Variants in SHROOM4 observed in about 807,000 individuals in gnomAD.
SHROOM4 encodes protein Shroom4.
In SHROOM4, 17 loss-of-function variants were observed where a neutral mutation model predicts 80.3. The observed-to-expected ratio is 0.21, with a 90% CI of 0.14 to 0.32. The LOEUF (loss-of-function observed/expected upper bound fraction) is 0.32. Among genes scored for constraint, SHROOM4 ranks in the 10% least tolerant of loss-of-function variants. The pLI is 1.00. For missense variants in SHROOM4, 993 were observed against 1,140.3 expected (o/e 0.87, Z 1.86); for synonymous variants, 400 against 437.5 (o/e 0.91, Z 1.07).
intron 1 of SHROOM4, among the ~76,000 whole-genome samples, chrX:50,749,168 C>A (rs1196998894): frequency 8.9e-6 from 1 of 112,289 alleles, no homozygotes; most frequent in African/African-American, 3.2e-5. Flanking sequence ...GCCGTGATCA[C>A]ACCATTGCAC....
At chrX:50,721,395 C>T (rs1406470025) in intron 1 of SHROOM4, among the ~76,000 whole-genome samples, 3 of 112,548 alleles carry the variant, frequency 2.7e-5, no homozygotes, top group Admixed American at 9.3e-5. Context: ...TGCTCAACAA[C>T]GGGTGGATTA....
downstream of SHROOM4, among the ~76,000 whole-genome samples, chrX:50,583,094 TGAATATTA>T (rs1928694365): frequency 9.1e-6 from 1 of 109,306 alleles, no homozygotes; most frequent in Non-Finnish European, 1.9e-5. Context: ...TGTTTTAAAG[TGAATATTA>T]AAATATTAAT....
chrX:50,761,924 G>A (rs1935167642), intron 1 of SHROOM4, among the ~76,000 whole-genome samples: 1 of 111,356 alleles, frequency 9.0e-6, no homozygotes, highest in South Asian at 3.8e-4. Context: ...TAATGGAGTT[G>A]TTTAAACTCT....
intron 1 of SHROOM4, among the ~76,000 whole-genome samples, chrX:50,738,767 T>C (rs1177803886): frequency 9.0e-6 from 1 of 111,659 alleles, no homozygotes. Flanking sequence ...AGGTAATTTA[T>C]AGATTCAATG....
rs1294346291 is a variant in SHROOM4, at chrX:50,596,488, C to T, written c.*207G>A. ...GTTCTAAGATCACACCTTGCTGCAG[C>T]TCCCTTGGGTAGAAGCTTGTGGCTT... On this transcript the variant is annotated 3_prime_UTR_variant, in exon 9 of 9. Coordinates refer to ENST00000376020, the MANE Select transcript of SHROOM4 (RefSeq NM_020717.5). 5.6e-6 allele frequency: 3 copies of T among 538,052 alleles called. No individual in the cohort carries two copies. In the African/African-American group the frequency reaches 6.8e-5, roughly 12 times the overall value. 44.3% of individuals were successfully genotyped at this position (538,052 alleles called of 1,213,427 possible).
chrX:50,659,981 A>G (rs1211892006), intron 2 of SHROOM4, among the ~76,000 whole-genome samples: 2 of 112,405 alleles, frequency 1.8e-5, no homozygotes, highest in African/African-American at 3.2e-5. Flanking sequence ...TTTATAGTTT[A>G]TTTAGCCTTT....
intron 1 of SHROOM4, among the ~76,000 whole-genome samples, chrX:50,728,056 A>G (rs782146856): frequency 3.6e-5 from 4 of 112,165 alleles, no homozygotes; most frequent in African/African-American, 1.3e-4. Context: ...TACTAGTGAA[A>G]TGCAAACTGA....
chrX:50,592,089 T>C lies in SHROOM4; in HGVS notation c.*4606A>G, dbSNP rs1557245676. ...GTTTTAACCTTGTATCCTGCAACTT[T>C]CCTAAATTCATCCAGGCAGGTAGTT... On this transcript the variant is annotated 3_prime_UTR_variant, in exon 9 of 9. Transcript: ENST00000376020. 1 of 329,746 alleles carries C rather than the reference T, an allele frequency of 3.0e-6. No homozygotes were observed. Among genetic ancestry groups the C allele is most frequent in the Non-Finnish European group, 5.9e-6 (1 of 170,105 alleles). The allele number at this position is 329,746 out of a possible 1,213,427, so 27.2% of individuals were successfully genotyped here. A position where few individuals can be genotyped will look rare whatever the true frequency, so the allele number is the denominator to read the frequency against.
intron 1 of SHROOM4, among the ~76,000 whole-genome samples, chrX:50,724,345 T>G (rs1934198004): frequency 8.9e-6 from 1 of 112,948 alleles, no homozygotes; most frequent in African/African-American, 3.2e-5. Flanking sequence ...GAGACTCATG[T>G]CATATTTCTA....
In SHROOM4 at chrX:50,590,222, C is replaced by T. The variant is rs782223516; in HGVS notation, c.*6473G>A. Among the ~76,000 whole-genome samples the T allele has an allele frequency of 4.5e-5, 5 of 110,801 alleles. No individual in the cohort carries two copies. The highest frequency in any genetic ancestry group is 9.4e-5 in the Non-Finnish European group (5 of 52,930). On this transcript the variant is annotated 3_prime_UTR_variant, in exon 9 of 9. Transcript: ENST00000376020. ...AGGCATTCATAATGAAATTATAATGCCCTTATAAGAAGGGGAAGAGACCAG... is the reference window on the plus strand; with the variant it reads ...AGGCATTCATAATGAAATTATAATGTCCTTATAAGAAGGGGAAGAGACCAG...
At chrX:50,576,750 T>C in the SHROOM4 span, among the ~76,000 whole-genome samples, 8 of 111,507 alleles carry the variant, frequency 7.2e-5, no homozygotes, top group East Asian at 2.0e-3. Context: ...TATCTTTTCA[T>C]ATAAAATTTT....
intron 1 of SHROOM4, among the ~76,000 whole-genome samples, chrX:50,715,442 C>A (rs936451601): frequency 3.6e-5 from 4 of 111,591 alleles, no homozygotes; most frequent in African/African-American, 1.3e-4. Context: ...TCTAACAGTG[C>A]CTTTTACACA....
At chrX:50,727,200 A>C (rs1167596913) in intron 1 of SHROOM4, among the ~76,000 whole-genome samples, 1 of 112,768 alleles carries the variant, frequency 8.9e-6, no homozygotes, top group Admixed American at 9.3e-5. Flanking sequence ...TGGAATGGGA[A>C]CATTTACCCA....
At position 50,632,242 on chromosome X, in the gene SHROOM4, A is replaced by G. The variant is rs1253339900; in HGVS notation, c.2895+936T>C. On this transcript the variant is annotated intron_variant, in intron 4 of 8. Coordinates refer to ENST00000376020, the MANE Select transcript of SHROOM4 (RefSeq NM_020717.5). ...TCATATAAAAGGAATTGTAGAGTTC[A>G]TAGTCTTTTGTGTAAGGCTTCTATC... Among the ~76,000 whole-genome samples the G allele has an allele frequency of 3.6e-5, 4 of 112,542 alleles. No individual in the cohort carries two copies. The East Asian group carries it at 1.1e-3, about 31-fold the overall frequency.
chrX:50,682,502 C>T (rs2147419427), intron 2 of SHROOM4, among the ~76,000 whole-genome samples: 1 of 111,766 alleles, frequency 8.9e-6, no homozygotes, highest in Non-Finnish European at 1.9e-5. Context: ...AAAAACAACA[C>T]ATGGACACTG....
chrX:50,743,164 C>T (rs1044121506), intron 1 of SHROOM4, among the ~76,000 whole-genome samples: 9 of 107,094 alleles, frequency 8.4e-5, no homozygotes, highest in Non-Finnish European at 1.7e-4. Context: ...CTTCCTGGCA[C>T]TACGAGATTC....
At chrX:50,693,360 A>G (rs969761808) in intron 2 of SHROOM4, among the ~76,000 whole-genome samples, 7 of 110,393 alleles carry the variant, frequency 6.3e-5, no homozygotes, top group African/African-American at 2.3e-4. Flanking sequence ...TGAGGTCCGA[A>G]GTTCGCAACC....
Position 50,591,697 on chromosome X carries a change from TC to T in SHROOM4, c.*4997del. 1.9e-4 allele frequency: 2 copies of T among 10,622 alleles called. No homozygotes were observed. The highest frequency in any genetic ancestry group is 2.4e-3 in the South Asian group (1 of 423). 0.9% of individuals were successfully genotyped at this position (10,622 alleles called of 1,213,427 possible). On this transcript the variant is annotated 3_prime_UTR_variant, in exon 9 of 9. Coordinates refer to ENST00000376020, the MANE Select transcript of SHROOM4 (RefSeq NM_020717.5). ...TCTTTCTTTCTTTCTTTCTTTCTTT[TC>T]TTTCTTTCTTTCTTTCTTTCTTTCT...
At chrX:50,762,585 C>T (rs988639892) in intron 1 of SHROOM4, among the ~76,000 whole-genome samples, 1 of 111,697 alleles carries the variant, frequency 9.0e-6, no homozygotes, top group Non-Finnish European at 1.9e-5. Context: ...AGTCTGACAT[C>T]GACAAATTAT....
Sources: allele counts gnomAD v4.1 joint callset (sites outside exome capture counted in the v4.1 genomes callset), GRCh38; gene constraint gnomAD v4.1.1; transcripts MANE v1.5; gene names NCBI Gene and HGNC (gene_info 2026-07-23, HGNC 2026-07-21).